NHERF2: variants seen among roughly 807,000 people sequenced by gnomAD.
The protein encoded by NHERF2 is Na(+)/H(+) exchange regulatory cofactor NHE-RF2.
the NHERF2 span, chr16:2,038,061 C>CAGTCCACTGAGGCTGGGGG: frequency 6.5e-7 from 1 of 1,549,016 alleles, no homozygotes; most frequent in Non-Finnish European, 8.8e-7. Context: ...CGAGCTCCCC[C>CAGTCCACTGAGGCTGGGGG]AGCCTCAGTG....
chr16:2,028,924 T>G, the NHERF2 span, among the ~76,000 whole-genome samples: 1 of 152,102 alleles, frequency 6.6e-6, no homozygotes, highest in Admixed American at 6.5e-5. Context: ...CCTCTCCCCC[T>G]CGCCGGCTGC....
chr16:2,029,201 GC>G, the NHERF2 span, among the ~76,000 whole-genome samples: 1 of 152,204 alleles, frequency 6.6e-6, no homozygotes, highest in African/African-American at 2.4e-5. Context: ...ATGCATGCGC[GC>G]ACAGGGACAG....
the NHERF2 span, chr16:2,037,460 G>GC: frequency 1.6e-6 from 2 of 1,287,686 alleles, no homozygotes; most frequent in African/African-American, 3.0e-5. Flanking sequence ...CTGGGGGGGG[G>GC]TGTGCCTCTG....
chr16:2,038,346 CT>C, the NHERF2 span: 9,453 of 474,560 alleles, frequency 0.02, 791 homozygotes, highest in African/African-American at 0.17. Flanking sequence ...TGTGTTTTTG[CT>C]TTTTTTCCAA....
chr16:2,029,735 C>A, the NHERF2 span: 1 of 1,555,558 alleles, frequency 6.4e-7, no homozygotes, highest in East Asian at 2.4e-5. Flanking sequence ...GGAGCCGAAG[C>A]CAGACTGGGC....
chr16:2,030,152 C>G, the NHERF2 span, among the ~76,000 whole-genome samples: 2 of 152,240 alleles, frequency 1.3e-5, no homozygotes, highest in African/African-American at 4.8e-5. Context: ...TGTGCCTGTG[C>G]TGGGTGTCAT....
chr16:2,031,299 G>C, the NHERF2 span, among the ~76,000 whole-genome samples: 1 of 152,172 alleles, frequency 6.6e-6, no homozygotes, highest in Non-Finnish European at 1.5e-5. Flanking sequence ...CTGGTGGGGG[G>C]GCTGGCCTTG....
the NHERF2 span, among the ~76,000 whole-genome samples, chr16:2,030,000 G>T: frequency 6.6e-6 from 1 of 152,218 alleles, no homozygotes; most frequent in Admixed American, 6.5e-5. Context: ...GGGCAGCCTG[G>T]CCTGTTCCTC....
the NHERF2 span, chr16:2,037,915 C>T: frequency 1.2e-6 from 2 of 1,612,488 alleles, no homozygotes; most frequent in Admixed American, 1.7e-5. Flanking sequence ...AGGCTCGAGC[C>T]ATGCGAGTCA....
chr16:2,029,663 C>A, the NHERF2 span: 1 of 1,566,588 alleles, frequency 6.4e-7, no homozygotes, highest in East Asian at 2.4e-5. Context: ...GCTCCGCCGG[C>A]GGCAGCTGAC....
chr16:2,029,634 A>C, the NHERF2 span: 5 of 1,577,544 alleles, frequency 3.2e-6, no homozygotes, highest in Non-Finnish European at 8.6e-7. Context: ...CTGGTGGTGG[A>C]CCAGGAGACA....
chr16:2,029,538 G>A, the NHERF2 span: 11 of 1,525,812 alleles, frequency 7.2e-6, no homozygotes, highest in Admixed American at 9.8e-5. Context: ...TGTGCTGCCC[G>A]GAATGTGGGC....
the NHERF2 span, chr16:2,035,682 A>G: frequency 1.8e-5 from 18 of 985,506 alleles, no homozygotes; most frequent in South Asian, 4.7e-4. Context: ...GCCCTACCGC[A>G]GGATGCCAGA....
the NHERF2 span, among the ~76,000 whole-genome samples, chr16:2,027,447 G>C: frequency 6.6e-6 from 1 of 152,226 alleles, no homozygotes; most frequent in Non-Finnish European, 1.5e-5. Context: ...GCTCCTGGCC[G>C]CTGGCCTCGC....
chr16:2,029,716 C>T, the NHERF2 span: 113 of 1,531,240 alleles, frequency 7.4e-5, 1 homozygote, highest in African/African-American at 7.8e-4. Flanking sequence ...CACCCGCCCA[C>T]GACCCCTGGG....
At chr16:2,031,834 G>A in the NHERF2 span, among the ~76,000 whole-genome samples, 1 of 152,208 alleles carries the variant, frequency 6.6e-6, no homozygotes, top group African/African-American at 2.4e-5. Context: ...TGGGATTACA[G>A]GCGCGCACCA....
At chr16:2,027,238 C>T in the NHERF2 span, 4 of 1,259,568 alleles carry the variant, frequency 3.2e-6, no homozygotes, top group Admixed American at 4.1e-5. Context: ...AGCGCTCGCC[C>T]CCGGCCCGCC....
the NHERF2 span, among the ~76,000 whole-genome samples, chr16:2,030,069 G>A: frequency 6.6e-6 from 1 of 152,168 alleles, no homozygotes; most frequent in Non-Finnish European, 1.5e-5. Context: ...ACAAGCTGCC[G>A]CCTCCCCAGC....
the NHERF2 span, chr16:2,026,989 G>A: frequency 3.7e-6 from 4 of 1,078,188 alleles, no homozygotes; most frequent in Non-Finnish European, 3.4e-6. Context: ...GCGGGCGGCC[G>A]GTGGGCAGCG....
Sources: allele counts gnomAD v4.1 joint callset (sites outside exome capture counted in the v4.1 genomes callset), GRCh38; gene constraint gnomAD v4.1.1; transcripts MANE v1.5; gene names NCBI Gene and HGNC (gene_info 2026-07-23, HGNC 2026-07-21).